Variants in ZNF428 observed in about 807,000 individuals in gnomAD.
ZNF428 encodes the protein enzyme-like protein PIT13.
In ZNF428, 5 loss-of-function variants were observed where a neutral mutation model predicts 15.6. That is an observed-to-expected ratio of 0.32 (90% CI 0.17 to 0.67). The LOEUF (loss-of-function observed/expected upper bound fraction) is 0.67. Ranked by LOEUF, ZNF428 falls within the 30% of genes least tolerant of loss-of-function variation. The probability of loss-of-function intolerance (pLI) is 0.73; values close to 1 mark genes in which losing one functional copy is unlikely to be tolerated. For missense variants in ZNF428, 237 were observed against 256.0 expected (o/e 0.93, Z 0.51); for synonymous variants, 97 against 102.2 (o/e 0.95, Z 0.31).
chr19:43,612,849 A>C lies in ZNF428; in HGVS notation c.76+1380T>G. On this transcript the variant is annotated intron_variant, in intron 2 of 2. Coordinates refer to ENST00000300811, the MANE Select transcript of ZNF428 (RefSeq NM_182498.4). The surrounding 1 kb of genome is among the most constrained non-coding windows in gnomAD (Gnocchi z 4.2). The stretch of plus-strand genomic sequence containing the variant: ...TCTCCATCCTCATCAAGGAAGGTGA[A>C]GAGCTACGGTCAGATGATCATCCCC... The C allele has an allele frequency of 6.4e-7, 1 of 1,551,742 alleles. No individual in the cohort carries two copies. Among genetic ancestry groups the C allele is most frequent in the South Asian group, 1.2e-5 (1 of 84,064 alleles).
chr19:43,611,904 T>A (rs1973301246), intron 2 of ZNF428: 1 of 594,052 alleles, frequency 1.7e-6, no homozygotes, highest in Admixed American at 3.1e-5. Context: ...ATCTGCTGAA[T>A]GGCTGCAAAC....
chr19:43,614,123 C>T (rs749777113), intron 2 of ZNF428, 106 bp downstream of exon 2: 5 of 1,604,318 alleles, frequency 3.1e-6, no homozygotes, highest in South Asian at 2.2e-5. Flanking sequence ...GAATAGAACC[C>T]CTAGCAAGAC....
Position 43,612,544 on chromosome 19 carries a change from T to C in ZNF428, c.76+1685A>G. ...AGAGGTCACCCAGCAGGGCCAGCAC[T>C]CCTGGCAGGATAAGAACTCATGGTG... On this transcript the variant is annotated intron_variant, in intron 2 of 2. Transcript: ENST00000300811. The surrounding 1 kb of genome is among the most constrained non-coding windows in gnomAD (Gnocchi z 4.2). 6.4e-7 allele frequency: 1 copy of C among 1,550,994 alleles called. No homozygotes were observed. Among genetic ancestry groups the C allele is most frequent in the Non-Finnish European group, 8.7e-7 (1 of 1,146,860 alleles).
At position 43,607,580 on chromosome 19, in the gene ZNF428, C is replaced by A; in HGVS notation, c.*37G>T. Reference sequence around the variant, plus strand: ...TTTCCTCAGCCCCCTCCTCCCACCCCACCCCTTCTGCCAAGCTCCCCGTAT... The same window carrying A: ...TTTCCTCAGCCCCCTCCTCCCACCCAACCCCTTCTGCCAAGCTCCCCGTAT... On this transcript the variant is annotated 3_prime_UTR_variant, in exon 3 of 3. Coordinates refer to ENST00000300811, the MANE Select transcript of ZNF428 (RefSeq NM_182498.4). This position sits in a 1 kb window ranked among gnomAD's most constrained non-coding sequence, Gnocchi z 5.1. 1 of 1,542,046 alleles carries A rather than the reference C, an allele frequency of 6.5e-7. No individual in the cohort carries two copies.
Position 43,607,370 on chromosome 19 carries a change from A to G in ZNF428, c.*247T>C, listed in dbSNP as rs796636636. On this transcript the variant is annotated 3_prime_UTR_variant, in exon 3 of 3. Coordinates refer to ENST00000300811, the MANE Select transcript of ZNF428 (RefSeq NM_182498.4). The surrounding 1 kb of genome is among the most constrained non-coding windows in gnomAD (Gnocchi z 5.1). ...GTTCCCCAAGAAGGAGCCCAGGGGG[A>G]ATACACACACACACACACACACACA... 149 of 435,612 alleles carry G rather than the reference A, an allele frequency of 3.4e-4. 1 individual carries two copies. Among genetic ancestry groups the G allele is most frequent in the African/African-American group, 3.0e-3 (133 of 44,536 alleles). The allele number at this position is 435,612 out of a possible 1,614,324, so 27.0% of individuals were successfully genotyped here. A position where few individuals can be genotyped will look rare whatever the true frequency, so the allele number is the denominator to read the frequency against.
At chr19:43,615,550 T>A (rs915368844) in intron 1 of ZNF428, among the ~76,000 whole-genome samples, 1 of 151,062 alleles carries the variant, frequency 6.6e-6, no homozygotes, top group Non-Finnish European at 1.5e-5. Context: ...AAAAAAAAAT[T>A]ACAAAAGTTA....
chr19:43,613,907 T>C, intron 2 of ZNF428: 1 of 1,551,572 alleles, frequency 6.4e-7, no homozygotes, highest in Non-Finnish European at 8.7e-7. Flanking sequence ...TCACAGCCGA[T>C]CTAGAAGCCC....
chr19:43,607,966 C>T lies in ZNF428; in HGVS notation c.218G>A (p.Gly73Glu). 1 of 1,601,464 alleles carries T rather than the reference C, an allele frequency of 6.2e-7. No individual in the cohort carries two copies. The highest frequency in any genetic ancestry group is 2.3e-5 in the East Asian group (1 of 44,398). Residue 73 changes from glycine to glutamate, a missense_variant, in exon 3 of 3, where the codon GGG becomes GAG. Gly to Glu is a moderately conservative substitution (Grantham distance 98, BLOSUM62 -2). Transcript: ENST00000300811. This position sits in a 1 kb window ranked among gnomAD's most constrained non-coding sequence, Gnocchi z 5.1. ...CCGGCGGGATGGGCCACCACGGCCCCCGCCAAGGCGCTGCTTCACCTTGTA... is the reference window on the plus strand; with the variant it reads ...CCGGCGGGATGGGCCACCACGGCCCTCGCCAAGGCGCTGCTTCACCTTGTA... ...PGYKVKQRLG[G>E]GRGGPSRRAP...
intron 2 of ZNF428, among the ~76,000 whole-genome samples, chr19:43,610,955 G>A (rs978036870): frequency 4.6e-5 from 7 of 152,052 alleles, no homozygotes; most frequent in East Asian, 1.9e-4. Context: ...TTTAACAATC[G>A]TTTCCTGAGG....
In ZNF428 at chr19:43,612,384, C is replaced by G; in HGVS notation, c.76+1845G>C. ...AGCAGGTCCCGAGTCCGCAGCAAAG[C>G]AAGAACACCCAGCAGGGTGAGCACC... On this transcript the variant is annotated intron_variant, in intron 2 of 2. Transcript: ENST00000300811. This position sits in a 1 kb window ranked among gnomAD's most constrained non-coding sequence, Gnocchi z 4.2. 1 of 1,551,700 alleles carries G rather than the reference C, an allele frequency of 6.4e-7. No homozygotes were observed. Among genetic ancestry groups the G allele is most frequent in the Non-Finnish European group, 8.7e-7 (1 of 1,147,002 alleles).
rs1192943862 is a variant in ZNF428 at position 43,614,248 on chromosome 19, A to G, written c.57T>C (p.Asp19=). Reference sequence around the variant, plus strand: ...CCTTACCTGGGGAAAGGTCTTCATCATCTTCTTCCAAGCTGGCGTAGCCCC... The same window carrying G: ...CCTTACCTGGGGAAAGGTCTTCATCGTCTTCTTCCAAGCTGGCGTAGCCCC... The part of the protein sequence containing the change: ...ETGGYASLEE[D]DEDLSPGPEH... The change falls in exon 2 of 3, where the codon GAT becomes GAC. Residue 19 remains aspartate (D), a synonymous_variant. Coordinates refer to ENST00000300811, the MANE Select transcript of ZNF428 (RefSeq NM_182498.4). 6.2e-7 allele frequency: 1 copy of G among 1,614,062 alleles called. No individual in the cohort carries two copies. Among genetic ancestry groups the G allele is most frequent in the East Asian group, 2.2e-5 (1 of 44,878 alleles).
chr19:43,616,518 G>T (rs1973373354), intron 1 of ZNF428, among the ~76,000 whole-genome samples: 1 of 152,226 alleles, frequency 6.6e-6, no homozygotes, highest in African/African-American at 2.4e-5. Flanking sequence ...GGTGATAAGT[G>T]AGTAGCCCAA....
In ZNF428 at chr19:43,613,344, A is replaced by G; in HGVS notation, c.76+885T>C. On this transcript the variant is annotated intron_variant, in intron 2 of 2. Coordinates refer to ENST00000300811, the MANE Select transcript of ZNF428 (RefSeq NM_182498.4). ...GATCACAGCCGATCTAGAAGTCCCA[A>G]CAAGGCGAGAGATCGCAGCCGATCT... is the stretch of plus-strand genomic sequence containing the variant. The G allele has an allele frequency of 1.3e-6, 2 of 1,550,622 alleles. No individual in the cohort carries two copies. Among genetic ancestry groups the G allele is most frequent in the South Asian group, 2.4e-5 (2 of 83,894 alleles).
intron 2 of ZNF428, among the ~76,000 whole-genome samples, chr19:43,609,359 GGAGA>G (rs55665674): frequency 7.3e-5 from 6 of 81,860 alleles, no homozygotes; most frequent in South Asian, 5.2e-4. Flanking sequence ...CTGTGGCCAT[GGAGA>G]GAGAGAGAGA....
intron 2 of ZNF428, among the ~76,000 whole-genome samples, chr19:43,610,009 A>T (rs944731692): frequency 6.6e-6 from 1 of 152,024 alleles, no homozygotes; most frequent in Non-Finnish European, 1.5e-5. Context: ...TGCTCCTGTC[A>T]TCACAGTGGC....
chr19:43,616,362 T>C (rs924757498), intron 1 of ZNF428, among the ~76,000 whole-genome samples: 1 of 152,102 alleles, frequency 6.6e-6, no homozygotes, highest in Non-Finnish European at 1.5e-5. Context: ...TGCCACACTC[T>C]AGCTGTGTAG....
At chr19:43,617,560 A>G (rs1973383906) in intron 1 of ZNF428, among the ~76,000 whole-genome samples, 1 of 152,258 alleles carries the variant, frequency 6.6e-6, no homozygotes, top group South Asian at 2.1e-4. Context: ...TTTTAAAGAC[A>G]GATTTCATAA....
At chr19:43,609,797 C>G (rs1973276610) in intron 2 of ZNF428, among the ~76,000 whole-genome samples, 1 of 151,690 alleles carries the variant, frequency 6.6e-6, no homozygotes, top group Non-Finnish European at 1.5e-5. Context: ...AAAAGGGCGA[C>G]ATCAGCTGCC....
chr19:43,614,183 C>T, intron 2 of ZNF428, 46 bp downstream of exon 2: 1 of 1,614,178 alleles, frequency 6.2e-7, no homozygotes, highest in African/African-American at 1.3e-5. Context: ...AACCCTAAGC[C>T]AGGATGACAG....
Sources: gnomAD v4.1 joint callset for allele counts (sites outside exome capture counted in the v4.1 genomes callset) on GRCh38, gnomAD v4.1.1 for gene constraint, Gnocchi (gnomAD v3.1) non-coding constraint, MANE v1.5 for transcripts, NCBI Gene and HGNC (gene_info 2026-07-23, HGNC 2026-07-21) for gene names.